RARB: variants seen among roughly 807,000 people sequenced by gnomAD.
RARB encodes HBV-activated protein.
A neutral mutation model predicts 51.9 loss-of-function variants in RARB; 17 were observed. That is an observed-to-expected ratio of 0.33 (90% CI 0.22 to 0.49). The LOEUF is 0.49. Among genes scored for constraint, RARB ranks in the 20% least tolerant of loss-of-function variants. The pLI, the probability that RARB is intolerant of heterozygous loss-of-function variation, is 0.99. For synonymous variants in RARB, 215 were observed against 195.4 expected, an observed-to-expected ratio of 1.10 and a Z score of -0.84; for missense variants, 369 against 550.8, an observed-to-expected ratio of 0.67 and a Z score of 3.30.
chr3:24,829,460 C>T (rs1329436123), intron 1 of RARB, among the ~76,000 whole-genome samples: 1 of 152,154 alleles, frequency 6.6e-6, no homozygotes, highest in Non-Finnish European at 1.5e-5. Context: ...CTGTCCAAGC[C>T]CCTAGCGTCC....
intron 5 of RARB, 22 bp downstream of exon 5, chr3:25,580,744 C>A (rs768423328): frequency 1.3e-6 from 2 of 1,584,542 alleles, no homozygotes; most frequent in Non-Finnish European, 1.7e-6. Flanking sequence ...TTTGAGCTCT[C>A]AATGGGTCTG....
intron 5 of RARB, among the ~76,000 whole-genome samples, chr3:25,266,435 T>C (rs1703128133): frequency 6.6e-6 from 1 of 152,094 alleles, no homozygotes; most frequent in Non-Finnish European, 1.5e-5. Flanking sequence ...TTTATTGGAG[T>C]TTTTTATATA....
At chr3:25,370,981 T>C (rs189586496) in intron 5 of RARB, among the ~76,000 whole-genome samples, 1 of 152,318 alleles carries the variant, frequency 6.6e-6, no homozygotes, top group Non-Finnish European at 1.5e-5. Context: ...ATGGCCCTCT[T>C]ATCTTCATTC....
chr3:25,494,251 A>ACACACACACGCACGCGCGCGCGAG (rs1443411582), intron 2 of RARB, among the ~76,000 whole-genome samples: 1 of 77,106 alleles, frequency 1.3e-5, no homozygotes, highest in Non-Finnish European at 2.3e-5. Flanking sequence ...GCTGTATCTT[A>ACACACACACGCACGCGCGCGCGAG]CGCACACACA....
At chr3:25,524,360 G>A (rs368026003) in intron 3 of RARB, among the ~76,000 whole-genome samples, 99 of 152,200 alleles carry the variant, frequency 6.5e-4, no homozygotes, top group African/African-American at 2.2e-3. Context: ...TACAGTCAAG[G>A]TCAAGGTGTA....
At chr3:25,343,802 G>A (rs543435630) in intron 5 of RARB, among the ~76,000 whole-genome samples, 1 of 152,158 alleles carries the variant, frequency 6.6e-6, no homozygotes, top group Non-Finnish European at 1.5e-5. Context: ...TACATGTTCA[G>A]GTGTGGCAAA....
intron 5 of RARB, among the ~76,000 whole-genome samples, chr3:25,397,322 C>T (rs1707143173): frequency 7.0e-6 from 1 of 143,198 alleles, no homozygotes; most frequent in African/African-American, 2.6e-5. Context: ...TCAGGTTCCT[C>T]CGTGAGGATG....
chr3:25,145,155 A>T (rs1700167069), intron 4 of RARB, among the ~76,000 whole-genome samples: 1 of 152,174 alleles, frequency 6.6e-6, no homozygotes. Flanking sequence ...AAAGCAAAAT[A>T]TTGACAATAA....
At chr3:25,362,597 T>C (rs1473758980) in intron 5 of RARB, among the ~76,000 whole-genome samples, 2 of 152,174 alleles carry the variant, frequency 1.3e-5, no homozygotes, top group Non-Finnish European at 2.9e-5. Context: ...AGGGCACTTG[T>C]GGGGTAGGCA....
At chr3:24,871,662 C>G (rs1394218133) in intron 2 of RARB, among the ~76,000 whole-genome samples, 1 of 152,170 alleles carries the variant, frequency 6.6e-6, no homozygotes, top group African/African-American at 2.4e-5. Flanking sequence ...CCAGCTTCTA[C>G]TTAGTATCTC....
intron 2 of RARB, among the ~76,000 whole-genome samples, chr3:24,994,190 T>C (rs1429927681): frequency 2.0e-5 from 3 of 152,198 alleles, no homozygotes; most frequent in African/African-American, 4.8e-5. Context: ...TTTTTAATAA[T>C]AGCCATTCTA....
At chr3:25,109,669 A>G (rs976211182) in intron 3 of RARB, among the ~76,000 whole-genome samples, 1 of 152,170 alleles carries the variant, frequency 6.6e-6, no homozygotes, top group African/African-American at 2.4e-5. Context: ...GACTCTGCCT[A>G]TGGGGACACT....
intron 5 of RARB, among the ~76,000 whole-genome samples, chr3:25,363,571 C>T (rs1450787490): frequency 1.3e-5 from 2 of 152,098 alleles, no homozygotes; most frequent in East Asian, 3.9e-4. Context: ...CTATTGACTC[C>T]ACCACAGTAT....
chr3:25,491,595 A>G (rs187578438), intron 2 of RARB, among the ~76,000 whole-genome samples: 6 of 152,370 alleles, frequency 3.9e-5, no homozygotes, highest in Admixed American at 2.6e-4. Flanking sequence ...GACTGACTAC[A>G]TAATTTGCAG....
intron 5 of RARB, among the ~76,000 whole-genome samples, chr3:25,269,220 A>T (rs370372270): frequency 4.9e-4 from 75 of 152,326 alleles, no homozygotes; most frequent in African/African-American, 1.7e-3. Context: ...TCATTTTAGA[A>T]GTCCCTTGAA....
chr3:25,301,826 T>C (rs78672041), intron 5 of RARB, among the ~76,000 whole-genome samples: 5,897 of 152,290 alleles, frequency 0.039, 150 homozygotes, highest in Middle Eastern at 0.068. Context: ...ATCTTTGGCA[T>C]AGATGCCAGA....
chr3:24,958,266 T>TTTTTTG lies in RARB; in HGVS notation c.-380+99519_-380+99520insGTTTTT, dbSNP rs1559411529. Among the ~76,000 whole-genome samples the TTTTTTG allele has an allele frequency of 6.6e-5, 8 of 120,828 alleles. No homozygotes were observed. The South Asian group carries it at 8.0e-4, about 12-fold the overall frequency. 79.3% of individuals were successfully genotyped at this position (120,828 alleles called of 152,430 possible). Reference sequence around the variant, plus strand: ...CCTGAGCTGCTCAGGTTTTTTTTTTTTTTTTTTTTTTTTTTTTTTTTTTAG... The same window carrying TTTTTTG: ...CCTGAGCTGCTCAGGTTTTTTTTTTTTTTTTGTTTTTTTTTTTTTTTTTTTTTTTAG... On this transcript the variant is annotated intron_variant, in intron 2 of 11. Transcript: ENST00000383772.
intron 5 of RARB, among the ~76,000 whole-genome samples, chr3:25,252,590 T>G (rs1210971347): frequency 2.0e-5 from 3 of 152,258 alleles, no homozygotes; most frequent in Non-Finnish European, 4.4e-5. Context: ...CCGAACTATT[T>G]TATTGTTTTG....
chr3:24,866,938 G>A (rs993702216), intron 2 of RARB, among the ~76,000 whole-genome samples: 1 of 152,014 alleles, frequency 6.6e-6, no homozygotes, highest in Non-Finnish European at 1.5e-5. Context: ...ATTGACTGGG[G>A]GTACAATCAC....
Sources: allele counts gnomAD v4.1 joint callset (sites outside exome capture counted in the v4.1 genomes callset), GRCh38; gene constraint gnomAD v4.1.1; transcripts MANE v1.5; gene names NCBI Gene and HGNC (gene_info 2026-07-23, HGNC 2026-07-21).